PDZD8: variants seen among roughly 807,000 people sequenced by gnomAD.
The protein encoded by PDZD8 is PDZ domain-containing protein 8.
Under a neutral mutation model 85.8 loss-of-function variants are expected in PDZD8, and 14 were observed. That is an observed-to-expected ratio of 0.16 (90% CI 0.11 to 0.26). The LOEUF is 0.26. Among genes scored for constraint, PDZD8 ranks in the 10% least tolerant of loss-of-function variants. PDZD8 has a pLI of 1.00. For synonymous variants in PDZD8, 592 were observed against 568.6 expected (o/e 1.04, Z -0.59); for missense variants, 1,197 against 1,424.3 (o/e 0.84, Z 2.57).
chr10:117,371,465 G>A (rs551526556), intron 1 of PDZD8, among the ~76,000 whole-genome samples: 3 of 152,314 alleles, frequency 2.0e-5, no homozygotes, highest in East Asian at 3.9e-4. Context: ...GATCACAGGC[G>A]TGAACCACTG....
chr10:117,283,693 T>C lies in PDZD8; in HGVS notation c.3040A>G (p.Ile1014Val). The C allele has an allele frequency of 6.2e-7, 1 of 1,614,178 alleles. No homozygotes were observed. Among genetic ancestry groups the C allele is most frequent in the Non-Finnish European group, 8.5e-7 (1 of 1,180,028 alleles). ...KEGGLDDSVF[I>V]AVKEIGRDLY... ...TCACGACCAATTTCTTTAACTGCAATGAAAACACTGTCATCCAGACCACCC... is the reference window on the plus strand; with the variant it reads ...TCACGACCAATTTCTTTAACTGCAACGAAAACACTGTCATCCAGACCACCC... The change falls in exon 5 of 5, where the codon ATT (isoleucine) becomes GTT (valine). Residue 1014 changes from isoleucine to valine, a missense_variant. Physicochemically the swap from Ile to Val is conservative, Grantham distance 29. Around this residue, in one of 4 missense-constraint regions of PDZD8, gnomAD observed 418 missense variants for 571.1 expected, o/e 0.73. Transcript: ENST00000334464.
At chr10:117,359,884 T>C (rs1276218051) in intron 1 of PDZD8, among the ~76,000 whole-genome samples, 1 of 152,218 alleles carries the variant, frequency 6.6e-6, no homozygotes, top group Non-Finnish European at 1.5e-5. Context: ...CCTTGAAGTG[T>C]ACTATTCTTG....
rs372095276 is a variant in PDZD8 at position 117,318,917 on chromosome 10, T to G, written c.1053A>C (p.Leu351Phe). Reference sequence around the variant, plus strand: ...GTTTTTCTTCCCAAACACTACTGCTTAACTCAAGTGTGCAATGAACATTTG... The same window carrying G: ...GTTTTTCTTCCCAAACACTACTGCTGAACTCAAGTGTGCAATGAACATTTG... ...REANVHCTLELSSSVWEEKQR... is the reference protein window; with the variant it reads ...REANVHCTLEFSSSVWEEKQR... Residue 351 changes from leucine (L) to phenylalanine (F), a missense_variant, in exon 3 of 5, where the codon TTA becomes TTC. Physicochemically the swap from Leu to Phe is conservative, Grantham distance 22. Coordinates refer to ENST00000334464, the MANE Select transcript of PDZD8 (RefSeq NM_173791.5). 55 of 1,612,198 alleles carry G rather than the reference T, an allele frequency of 3.4e-5. No homozygotes were observed. The highest frequency in any genetic ancestry group is 4.6e-5 in the Non-Finnish European group (54 of 1,178,826).
rs944229823 is a variant in PDZD8, at chr10:117,278,744, T to G, written c.*4524A>C. ...TCTAGGAAAGTAACACTTCGTTTCA[T>G]GAAGCTTTTCTGTGGGGCTTCGATT... On this transcript the variant is annotated 3_prime_UTR_variant, in exon 5 of 5. Transcript: ENST00000334464. 1.4e-4 allele frequency: 21 copies of G among 152,248 alleles called. No homozygotes were observed. The highest frequency in any genetic ancestry group is 5.1e-4 in the African/African-American group (21 of 41,466). 9.4% of individuals were successfully genotyped at this position (152,248 alleles called of 1,614,324 possible).
intron 4 of PDZD8, among the ~76,000 whole-genome samples, chr10:117,286,282 CT>C (rs1844662580): frequency 6.6e-6 from 1 of 152,212 alleles, no homozygotes; most frequent in African/African-American, 2.4e-5. Flanking sequence ...CTAGTGTATG[CT>C]TCTATAGATA....
rs906999714 is a variant in PDZD8 at position 117,278,285 on chromosome 10, G to T, written c.*4983C>A. On this transcript the variant is annotated 3_prime_UTR_variant, in exon 5 of 5. Transcript: ENST00000334464. Reference sequence around the variant, plus strand: ...ACTATTTTTTAGACTCCTGAAAGTTGTTCACATCAATGTGAAGACAAATTT... The same window carrying T: ...ACTATTTTTTAGACTCCTGAAAGTTTTTCACATCAATGTGAAGACAAATTT... 1.2e-4 allele frequency: 19 copies of T among 152,130 alleles called. No homozygotes were observed. Among genetic ancestry groups the T allele is most frequent in the Admixed American group, 4.6e-4 (7 of 15,254 alleles). The allele number at this position is 152,130 out of a possible 1,614,324, so 9.4% of individuals were successfully genotyped here.
intron 2 of PDZD8, among the ~76,000 whole-genome samples, chr10:117,319,550 T>C (rs1302047536): frequency 6.6e-6 from 1 of 151,946 alleles, no homozygotes; most frequent in Non-Finnish European, 1.5e-5. Context: ...CTGTTGTGAG[T>C]AAAAGGCAAT....
intron 3 of PDZD8, among the ~76,000 whole-genome samples, chr10:117,297,525 G>C (rs1177182568): frequency 6.6e-6 from 1 of 152,112 alleles, no homozygotes; most frequent in Non-Finnish European, 1.5e-5. Context: ...AACACAAATA[G>C]CAAGTGGTCC....
intron 3 of PDZD8, among the ~76,000 whole-genome samples, chr10:117,295,512 A>ACTC (rs1188818883): frequency 2.6e-5 from 4 of 151,750 alleles, no homozygotes; most frequent in Non-Finnish European, 5.9e-5. Flanking sequence ...CACACAAAAA[A>ACTC]CTCCCTCCCA....
At chr10:117,357,166 G>T (rs55698419) in intron 1 of PDZD8, among the ~76,000 whole-genome samples, 2,073 of 152,302 alleles carry the variant, frequency 0.014, 48 homozygotes, top group African/African-American at 0.046. Context: ...GCCACAGAAG[G>T]TGGATCACTT....
chr10:117,340,094 A>G (rs548722572), intron 2 of PDZD8, among the ~76,000 whole-genome samples: 1 of 152,378 alleles, frequency 6.6e-6, no homozygotes, highest in South Asian at 2.1e-4. Context: ...GGTGCTGGCA[A>G]AGTAAAACAA....
chr10:117,358,108 A>C (rs922244001), intron 1 of PDZD8, among the ~76,000 whole-genome samples: 11 of 152,146 alleles, frequency 7.2e-5, no homozygotes, highest in African/African-American at 9.7e-5. Context: ...GACATTTTTC[A>C]TAATAAAAAG....
rs1844555763 is a variant in PDZD8, at chr10:117,280,004, TA to T, written c.*3263del. 1 of 152,186 alleles carries T rather than the reference TA, an allele frequency of 6.6e-6. No individual in the cohort carries two copies. Among genetic ancestry groups the T allele is most frequent in the Non-Finnish European group, 1.5e-5 (1 of 68,042 alleles). 9.4% of individuals were successfully genotyped at this position (152,186 alleles called of 1,614,324 possible). ...GGACTTAACATTTTATTATTTATCT[TA>T]TTTTTAAGAGCCAAATATTTCCAAA... On this transcript the variant is annotated 3_prime_UTR_variant, in exon 5 of 5. Transcript: ENST00000334464.
intron 2 of PDZD8, among the ~76,000 whole-genome samples, chr10:117,337,367 G>A (rs1009945144): frequency 6.6e-6 from 1 of 152,084 alleles, no homozygotes; most frequent in Non-Finnish European, 1.5e-5. Context: ...AACAGCCATT[G>A]CATTCATCTG....
At position 117,375,224 on chromosome 10, in the gene PDZD8, C is replaced by G; in HGVS notation, c.4G>C (p.Gly2Arg). The change falls in exon 1 of 5, where the codon GGG becomes CGG. Residue 2 changes from glycine (G) to arginine (R), a missense_variant. Transcript: ENST00000334464. ...GACGCCAGGATCATGAGCAGCAGCC[C>G]CATCCCGCCACCGCCTCCGCCCGGG... M[G>R]LLLMILASAV... is the part of the protein sequence containing the mutation. 6.7e-7 allele frequency: 1 copy of G among 1,489,118 alleles called. No homozygotes were observed. Among genetic ancestry groups the G allele is most frequent in the Non-Finnish European group, 8.9e-7 (1 of 1,124,072 alleles). The allele number at this position is 1,489,118 out of a possible 1,614,324, so 92.2% of individuals were successfully genotyped here.
At chr10:117,319,040 G>GATT in intron 2 of PDZD8, 66 bp from the exon 3 acceptor site, 1 of 1,094,896 alleles carries the variant, frequency 9.1e-7, no homozygotes, top group Non-Finnish European at 1.4e-6. Flanking sequence ...TTTTCTTTCT[G>GATT]ATTATTATAA....
chr10:117,373,155 T>C (rs1845222486), intron 1 of PDZD8, among the ~76,000 whole-genome samples: 1 of 152,144 alleles, frequency 6.6e-6, no homozygotes, highest in South Asian at 2.1e-4. Flanking sequence ...TAAAAAAGTC[T>C]TTCCCCTTCC....
intron 3 of PDZD8, among the ~76,000 whole-genome samples, chr10:117,296,436 T>C (rs1165792782): frequency 6.6e-6 from 1 of 152,122 alleles, no homozygotes; most frequent in Non-Finnish European, 1.5e-5. Context: ...TTCCCAAATT[T>C]ATCTACAAAT....
At chr10:117,368,766 C>T (rs571854146) in intron 1 of PDZD8, among the ~76,000 whole-genome samples, 2 of 150,148 alleles carry the variant, frequency 1.3e-5, no homozygotes, top group South Asian at 4.2e-4. Context: ...ACCATCACTA[C>T]ATGGTAGAAA....
Sources: gnomAD v4.1 joint callset for allele counts (sites outside exome capture counted in the v4.1 genomes callset) on GRCh38, gnomAD v4.1.1 for gene constraint, gnomAD v4.1.1 regional missense constraint, MANE v1.5 for transcripts, NCBI Gene and HGNC (gene_info 2026-07-23, HGNC 2026-07-21) for gene names.